Variants in CCNH observed in about 807,000 individuals in gnomAD.
CCNH encodes the protein cyclin-H.
CCNH carries 31 observed loss-of-function variants against 41.9 expected under a neutral mutation model. The ratio of observed to expected loss-of-function variants is 0.74; its 90% CI spans 0.56 to 1.00. The LOEUF (loss-of-function observed/expected upper bound fraction) is 1.00, where lower values mean the gene tolerates loss of function less well. Ranked by LOEUF, CCNH falls within the 50% of genes least tolerant of loss-of-function variation. The pLI, the probability that CCNH is intolerant of heterozygous loss-of-function variation, is 0.00. For missense variants in CCNH, 362 were observed against 388.4 expected (o/e 0.93, Z 0.57); for synonymous variants, 138 against 136.1 (o/e 1.01, Z -0.10).
chr5:87,338,536 A>ATATATATATATATATATATATATTTTTT, intron 9 of CCNH, among the ~76,000 whole-genome samples: 1 of 85,214 alleles, frequency 1.2e-5, no homozygotes, highest in Non-Finnish European at 2.3e-5. Flanking sequence ...TATATATAAA[A>ATATATATATATATATATATATATTTTTT]TTTTTTTTTT....
At chr5:87,376,659 T>C (rs1226531461) in exon 1 of CCNH, 2 of 1,432,236 alleles carry the variant, frequency 1.4e-6, no homozygotes, top group Non-Finnish European at 9.7e-7. Flanking sequence ...TAGTAATTCA[T>C]AGCTTAGTAG....
intron 9 of CCNH, among the ~76,000 whole-genome samples, chr5:87,342,511 C>T (rs1758545872): frequency 6.6e-6 from 1 of 152,136 alleles, no homozygotes; most frequent in Admixed American, 6.5e-5. Context: ...ACAATGTAAG[C>T]AAGTGAAGCG....
intron 7 of CCNH, among the ~76,000 whole-genome samples, chr5:87,395,871 C>A (rs1051946746): frequency 1.5e-4 from 23 of 151,874 alleles, no homozygotes; most frequent in Admixed American, 2.0e-4. Flanking sequence ...AAGACTTTTT[C>A]TCAAAAAAGC....
chr5:87,354,443 A>G (rs1759503533), intron 9 of CCNH, among the ~76,000 whole-genome samples: 3 of 152,098 alleles, frequency 2.0e-5, no homozygotes, highest in Admixed American at 2.0e-4. Context: ...TAATGTTACT[A>G]TTGCAATTGT....
exon 10 of CCNH, chr5:87,318,541 T>C (rs1378738913): frequency 6.6e-6 from 1 of 152,380 alleles, no homozygotes; most frequent in Admixed American, 6.5e-5. Flanking sequence ...CATCTTCACA[T>C]AGTGACAGGA....
chr5:87,334,253 A>G (rs1757800993), intron 9 of CCNH, among the ~76,000 whole-genome samples: 2 of 152,186 alleles, frequency 1.3e-5, no homozygotes, highest in South Asian at 2.1e-4. Flanking sequence ...GGTGTAAATC[A>G]TAGTCTGAGG....
At chr5:87,375,398 C>T (rs1256473771), downstream of CCNH, among the ~76,000 whole-genome samples, 1 of 151,900 alleles carries the variant, frequency 6.6e-6, no homozygotes, top group Admixed American at 6.6e-5. Context: ...GTATCTGGGA[C>T]TACAGGCGCC....
In CCNH at chr5:87,399,530, T is replaced by TA. The variant is rs779025303; in HGVS notation, c.761-26dup. On this transcript the variant is annotated intron_variant, in intron 6 of 8. Coordinates refer to ENST00000256897, the MANE Select transcript of CCNH (RefSeq NM_001239.4). ...CCTATGTGGATACAAAAAAAGAATT[T>TA]AAACTGAATAAGCAAACCTCCTTCT... The TA allele has an allele frequency of 4.1e-6, 6 of 1,479,590 alleles. No individual in the cohort carries two copies. In the South Asian group the frequency reaches 6.8e-5, roughly 17 times the overall value. 91.7% of individuals were successfully genotyped at this position (1,479,590 alleles called of 1,614,324 possible). A position where few individuals can be genotyped will look rare whatever the true frequency, so the allele number is the denominator to read the frequency against.
At chr5:87,314,246 T>A (rs529427581), downstream of CCNH, among the ~76,000 whole-genome samples, 4 of 152,306 alleles carry the variant, frequency 2.6e-5, no homozygotes, top group South Asian at 8.3e-4. Context: ...TGACAGGTAG[T>A]CCAGTGGAGA....
intron 9 of CCNH, among the ~76,000 whole-genome samples, chr5:87,362,931 A>G (rs1225201951): frequency 2.1e-5 from 3 of 144,766 alleles, no homozygotes; most frequent in Non-Finnish European, 4.5e-5. Context: ...GGAACTCCTT[A>G]TGGCACATGG....
chr5:87,398,830 G>A (rs1048036085), intron 7 of CCNH, among the ~76,000 whole-genome samples: 1 of 152,002 alleles, frequency 6.6e-6, no homozygotes. Flanking sequence ...AAAATTAGCT[G>A]GGCGTGGTGG....
chr5:87,392,502 T>G, downstream of CCNH: 1 of 375,386 alleles, frequency 2.7e-6, no homozygotes, highest in South Asian at 2.0e-5. Flanking sequence ...TTCTGTTTTT[T>G]AGCTGGACTT....
chr5:87,400,360 T>C (rs547072919), intron 6 of CCNH, among the ~76,000 whole-genome samples: 1 of 152,348 alleles, frequency 6.6e-6, no homozygotes, highest in Non-Finnish European at 1.5e-5. Flanking sequence ...GAGCTGTTTT[T>C]ATTTCATTTT....
intron 1 of CCNH, chr5:87,412,466 A>G (rs1764330163): frequency 1.4e-6 from 2 of 1,411,216 alleles, no homozygotes; most frequent in Non-Finnish European, 1.8e-6. Context: ...AAGACTGGTT[A>G]CTTGTCTGCC....
downstream of CCNH, among the ~76,000 whole-genome samples, chr5:87,372,559 T>C (rs1554049017): frequency 6.6e-6 from 1 of 152,158 alleles, no homozygotes; most frequent in Non-Finnish European, 1.5e-5. Flanking sequence ...ATAAACTTTT[T>C]TGGGATTTTC....
chr5:87,379,946 A>G, upstream of CCNH: 2 of 1,211,980 alleles, frequency 1.7e-6, no homozygotes, highest in Non-Finnish European at 2.4e-6. Flanking sequence ...TTGTCCTAAT[A>G]TTATTATACT....
At chr5:87,333,157 C>A (rs980888337) in intron 9 of CCNH, 2 of 1,469,274 alleles carry the variant, frequency 1.4e-6, no homozygotes, top group Non-Finnish European at 1.8e-6. Flanking sequence ...TTTGAATGAT[C>A]CCATGGAGTT....
Position 87,408,110 on chromosome 5 carries a change from C to G in CCNH, c.391G>C (p.Glu131Gln). The change falls in exon 4 of 9, where the codon GAG becomes CAG. Residue 131 changes from glutamate to glutamine, a missense_variant. Coordinates refer to ENST00000256897, the MANE Select transcript of CCNH (RefSeq NM_001239.4). Reference protein sequence around the residue: ...SSPQFVGNLRESPLGQEKALE... With the variant: ...SSPQFVGNLRQSPLGQEKALE... ...GCCTTCTCCTGTCCAAGAGGACTCT[C>G]CCGGAGGTTTCCAACAAACTGAGGA... 6.2e-7 allele frequency: 1 copy of G among 1,613,686 alleles called. No individual in the cohort carries two copies. The highest frequency in any genetic ancestry group is 8.5e-7 in the Non-Finnish European group (1 of 1,179,724).
chr5:87,408,876 A>G (rs1236882718), intron 3 of CCNH, among the ~76,000 whole-genome samples: 1 of 152,214 alleles, frequency 6.6e-6, no homozygotes, highest in Non-Finnish European at 1.5e-5. Context: ...CACAGCGCTC[A>G]GCAGAGAGCA....
Sources: allele counts gnomAD v4.1 joint callset (sites outside exome capture counted in the v4.1 genomes callset), GRCh38; gene constraint gnomAD v4.1.1; transcripts MANE v1.5; gene names NCBI Gene and HGNC (gene_info 2026-07-23, HGNC 2026-07-21).